The following DCAF8L2 variants were observed in gnomAD, a reference collection of about 807,000 sequenced individuals.
DCAF8L2 encodes DDB1 and CUL4 associated factor 8 like 2.
For synonymous variants in DCAF8L2, 200 were observed against 190.9 expected (o/e 1.05, Z -0.39); for missense variants, 430 against 490.7 (o/e 0.88, Z 1.17).
At chrX:27,482,750 T>C in the DCAF8L2 span, among the ~76,000 whole-genome samples, 1 of 108,910 alleles carries the variant, frequency 9.2e-6, no homozygotes, top group Admixed American at 9.7e-5. Flanking sequence ...GACTGCAAGT[T>C]ATTAGATAAA....
At chrX:27,478,308 C>A in the DCAF8L2 span, among the ~76,000 whole-genome samples, 1 of 112,008 alleles carries the variant, frequency 8.9e-6, no homozygotes, top group Non-Finnish European at 1.9e-5. Flanking sequence ...ATACAAGCTG[C>A]AGAGTAGATT....
intron 4 of DCAF8L2, among the ~76,000 whole-genome samples, chrX:27,732,950 C>T (rs774362992): frequency 2.5e-4 from 28 of 110,868 alleles, no homozygotes; most frequent in Non-Finnish European, 3.8e-4. Context: ...CTCCACCTCC[C>T]GGGTTCAAGC....
the DCAF8L2 span, among the ~76,000 whole-genome samples, chrX:27,552,404 G>A: frequency 1.8e-5 from 2 of 110,873 alleles, no homozygotes; most frequent in African/African-American, 3.3e-5. Context: ...CCCCTATGTT[G>A]TCTTCTAGTA....
chrX:27,746,767 G>C (rs1922190103), intron 4 of DCAF8L2, 71 bp from the exon 5 acceptor site: 2 of 568,009 alleles, frequency 3.5e-6, no homozygotes, highest in Non-Finnish European at 5.5e-6. Context: ...CAATCAGATT[G>C]CTGTTTGATT....
intron 1 of DCAF8L2, among the ~76,000 whole-genome samples, chrX:27,608,179 C>T (rs950392973): frequency 1.4e-4 from 15 of 110,971 alleles, no homozygotes; most frequent in African/African-American, 3.9e-4. Context: ...AACATATTTT[C>T]GAAGCAATTC....
chrX:27,679,115 G>C (rs1930239444), intron 3 of DCAF8L2, among the ~76,000 whole-genome samples: 1 of 111,599 alleles, frequency 9.0e-6, no homozygotes, highest in African/African-American at 3.3e-5. Flanking sequence ...GACAAAAAGA[G>C]AAAAGAGAAT....
intron 2 of DCAF8L2, among the ~76,000 whole-genome samples, chrX:27,671,585 C>G (rs1358673442): frequency 1.8e-5 from 2 of 111,757 alleles, no homozygotes; most frequent in East Asian, 2.8e-4. Flanking sequence ...CGATTCCACT[C>G]TCTTTTGATA....
the DCAF8L2 span, among the ~76,000 whole-genome samples, chrX:27,470,451 T>C: frequency 2.7e-5 from 3 of 112,293 alleles, no homozygotes; most frequent in Admixed American, 1.9e-4. Flanking sequence ...TCTGATTGAT[T>C]GATCCCTGCT....
intron 3 of DCAF8L2, among the ~76,000 whole-genome samples, chrX:27,701,351 C>G (rs1569186039): frequency 9.0e-6 from 1 of 111,174 alleles, no homozygotes; most frequent in Non-Finnish European, 1.9e-5. Context: ...ATATGTAAGA[C>G]TTTAGCAATA....
intron 4 of DCAF8L2, among the ~76,000 whole-genome samples, chrX:27,732,176 G>T (rs1309819346): frequency 9.0e-6 from 1 of 111,352 alleles, no homozygotes; most frequent in Non-Finnish European, 1.9e-5. Context: ...CAAATTTCCA[G>T]TAAACAATGC....
the DCAF8L2 span, among the ~76,000 whole-genome samples, chrX:27,508,425 C>G: frequency 9.1e-6 from 1 of 110,191 alleles, no homozygotes; most frequent in African/African-American, 3.3e-5. Context: ...TGCACTAAGT[C>G]CGGATTGACA....
At chrX:27,517,972 G>A in the DCAF8L2 span, 3 of 1,183,168 alleles carry the variant, frequency 2.5e-6, no homozygotes, top group Admixed American at 6.6e-5. Context: ...GCAGTATGTA[G>A]ACAGCAAAGG....
At chrX:27,511,641 C>T in the DCAF8L2 span, among the ~76,000 whole-genome samples, 4 of 112,243 alleles carry the variant, frequency 3.6e-5, no homozygotes, top group Admixed American at 2.8e-4. Flanking sequence ...TAAGTTCTGG[C>T]TCTGCCACTT....
the DCAF8L2 span, among the ~76,000 whole-genome samples, chrX:27,553,259 C>A: frequency 9.0e-6 from 1 of 111,071 alleles, no homozygotes; most frequent in Non-Finnish European, 1.9e-5. Context: ...TAAATGTCTG[C>A]TAGGTCCTTT....
At chrX:27,683,747 G>C (rs1166144087) in intron 3 of DCAF8L2, among the ~76,000 whole-genome samples, 4 of 111,661 alleles carry the variant, frequency 3.6e-5, no homozygotes, top group Non-Finnish European at 7.5e-5. Context: ...AACAGTGTAG[G>C]AGTATGAAAG....
chrX:27,549,852 A>G, the DCAF8L2 span, among the ~76,000 whole-genome samples: 11 of 111,259 alleles, frequency 9.9e-5, no homozygotes, highest in Admixed American at 9.6e-4. Flanking sequence ...CCCTTAACCA[A>G]AGAAAGCTGC....
chrX:27,637,543 A>G (rs1928552116), intron 2 of DCAF8L2, among the ~76,000 whole-genome samples: 1 of 112,231 alleles, frequency 8.9e-6, no homozygotes. Flanking sequence ...CGATTTGAGC[A>G]TCCAGCTCAA....
At chrX:27,598,978 T>C (rs541341162) in intron 1 of DCAF8L2, among the ~76,000 whole-genome samples, 1 of 100,089 alleles carries the variant, frequency 1.0e-5, no homozygotes, top group Non-Finnish European at 2.0e-5. Context: ...AAAAAAAATA[T>C]ATATATATAT....
intron 3 of DCAF8L2, among the ~76,000 whole-genome samples, chrX:27,694,319 T>A (rs368073461): frequency 8.9e-6 from 1 of 111,790 alleles, no homozygotes; most frequent in East Asian, 2.8e-4. Context: ...TATTCACTTG[T>A]AACAAACCTG....
Sources: allele counts gnomAD v4.1 joint callset (sites outside exome capture counted in the v4.1 genomes callset), GRCh38; gene constraint gnomAD v4.1.1; transcripts MANE v1.5; gene names NCBI Gene and HGNC (gene_info 2026-07-23, HGNC 2026-07-21).